The following AHCY variants were observed in gnomAD, a reference collection of about 807,000 sequenced individuals.
The protein encoded by AHCY is S-adenosyl-L-homocysteine hydrolase.
In AHCY, 24 loss-of-function variants were observed where a neutral mutation model predicts 45.4. That is an observed-to-expected ratio of 0.53 (90% CI 0.38 to 0.74). The LOEUF is 0.74. Among genes scored for constraint, AHCY ranks in the 30% least tolerant of loss-of-function variants. The probability of loss-of-function intolerance (pLI) is 0.00; values close to 1 mark genes in which losing one functional copy is unlikely to be tolerated. For synonymous variants in AHCY, 245 were observed against 235.1 expected (o/e 1.04, Z -0.39); for missense variants, 449 against 594.1 (o/e 0.76, Z 2.54).
At chr20:34,258,471 G>T in the AHCY span, among the ~76,000 whole-genome samples, 1 of 149,718 alleles carries the variant, frequency 6.7e-6, no homozygotes, top group African/African-American at 2.4e-5. Flanking sequence ...GGGCTTTGAT[G>T]ACCATTAACA....
intron 1 of AHCY, among the ~76,000 whole-genome samples, chr20:34,298,606 G>GT (rs1568810760): frequency 9.1e-6 from 1 of 109,678 alleles, no homozygotes; most frequent in African/African-American, 3.9e-5. Flanking sequence ...TGGCGGCGGC[G>GT]GGAGGGGGGG....
At chr20:34,255,879 C>A in the AHCY span, among the ~76,000 whole-genome samples, 1 of 152,112 alleles carries the variant, frequency 6.6e-6, no homozygotes, top group Non-Finnish European at 1.5e-5. Context: ...CTTAGCAGAC[C>A]GAGAAAGGGA....
At chr20:34,303,107 C>T in intron 1 of AHCY, 136 bp downstream of exon 1, 11 of 1,484,890 alleles carry the variant, frequency 7.4e-6, no homozygotes, top group Non-Finnish European at 9.9e-6. Context: ...CAGCTGGCTT[C>T]GCGCGGCCAG....
upstream of AHCY, chr20:34,303,485 T>C (rs942811009): frequency 2.8e-6 from 2 of 722,312 alleles, no homozygotes; most frequent in Non-Finnish European, 4.7e-6. Flanking sequence ...GCCTCAGAAT[T>C]TCACAAGGCG....
the AHCY span, among the ~76,000 whole-genome samples, chr20:34,265,527 G>A: frequency 6.6e-6 from 1 of 151,584 alleles, no homozygotes; most frequent in Admixed American, 6.6e-5. Context: ...CTGTCTCAAA[G>A]AAAAAAAGGA....
the AHCY span, among the ~76,000 whole-genome samples, chr20:34,247,083 C>T: frequency 3.9e-5 from 6 of 152,046 alleles, no homozygotes; most frequent in African/African-American, 1.4e-4. Flanking sequence ...GCCTCAACCT[C>T]CCAGGCTTAG....
the AHCY span, among the ~76,000 whole-genome samples, chr20:34,258,700 A>ATATATATATATATATACACACACACATAC: frequency 1.3e-5 from 1 of 77,922 alleles, no homozygotes; most frequent in East Asian, 5.2e-4. Context: ...TACATACTAT[A>ATATATATATATATATACACACACACATAC]TATATATATT....
chr20:34,289,472 CTTTTTT>C (rs762670836), intron 8 of AHCY, among the ~76,000 whole-genome samples: 1 of 106,370 alleles, frequency 9.4e-6, no homozygotes, highest in Non-Finnish European at 1.9e-5. Flanking sequence ...TGTACCTGGC[CTTTTTT>C]TTTTTTTTTT....
At chr20:34,289,538 C>T (rs1382818319) in intron 8 of AHCY, among the ~76,000 whole-genome samples, 2 of 133,276 alleles carry the variant, frequency 1.5e-5, no homozygotes, top group Non-Finnish European at 3.1e-5. Context: ...TGCGAGGGTG[C>T]GATCTCGGCT....
At chr20:34,284,722 C>T (rs1259972738) in intron 9 of AHCY, among the ~76,000 whole-genome samples, 1 of 152,106 alleles carries the variant, frequency 6.6e-6, no homozygotes, top group Admixed American at 6.6e-5. Context: ...ACTCAAGAGG[C>T]TGAGGTGGGA....
the AHCY span, among the ~76,000 whole-genome samples, chr20:34,273,360 G>C: frequency 6.6e-6 from 1 of 151,618 alleles, no homozygotes; most frequent in Non-Finnish European, 1.5e-5. Flanking sequence ...AATATACTCT[G>C]ACTGATTTAC....
intron 8 of AHCY, among the ~76,000 whole-genome samples, chr20:34,289,857 G>A (rs2036313884): frequency 6.6e-6 from 1 of 151,996 alleles, no homozygotes. Context: ...CTGGCCTCAG[G>A]TGATCCGCCC....
At chr20:34,289,873 G>A (rs919419082) in intron 8 of AHCY, among the ~76,000 whole-genome samples, 7 of 151,874 alleles carry the variant, frequency 4.6e-5, no homozygotes, top group South Asian at 2.1e-4. Flanking sequence ...CGCCCATCTC[G>A]GCCTTCCAAA....
the AHCY span, among the ~76,000 whole-genome samples, chr20:34,271,565 C>CTTT: frequency 5.0e-4 from 62 of 123,404 alleles, no homozygotes; most frequent in Non-Finnish European, 7.3e-4. Context: ...TTGAACAAGC[C>CTTT]TTTTTTTTTT....
upstream of AHCY, among the ~76,000 whole-genome samples, chr20:34,303,608 C>A (rs951391273): frequency 9.2e-5 from 14 of 152,352 alleles, no homozygotes; most frequent in African/African-American, 2.6e-4. Context: ...CAAAACCCAG[C>A]GGAACTGAAA....
At chr20:34,286,877 C>CCCAGAGACTCCTATT (rs1440262932) in intron 8 of AHCY, among the ~76,000 whole-genome samples, 1 of 151,412 alleles carries the variant, frequency 6.6e-6, no homozygotes, top group African/African-American at 2.4e-5. Context: ...TGGCCTCATT[C>CCCAGAGACTCCTATT]CCAGAGACTC....
chr20:34,267,735 C>T, the AHCY span, among the ~76,000 whole-genome samples: 5 of 151,776 alleles, frequency 3.3e-5, no homozygotes, highest in African/African-American at 7.2e-5. Context: ...TTCTCCATGT[C>T]GGTCGGGCTG....
At chr20:34,284,618 C>T (rs548353488) in intron 9 of AHCY, among the ~76,000 whole-genome samples, 12 of 151,904 alleles carry the variant, frequency 7.9e-5, no homozygotes, top group African/African-American at 1.9e-4. Context: ...ATCAGGAGTT[C>T]GAGACCAGTC....
chr20:34,268,440 G>A, the AHCY span, among the ~76,000 whole-genome samples: 8 of 152,116 alleles, frequency 5.3e-5, no homozygotes, highest in Non-Finnish European at 1.0e-4. Context: ...CACTTAGGCC[G>A]GGCGCGGTGG....
Sources: allele counts gnomAD v4.1 joint callset (sites outside exome capture counted in the v4.1 genomes callset), GRCh38; gene constraint gnomAD v4.1.1; transcripts MANE v1.5; gene names NCBI Gene and HGNC (gene_info 2026-07-23, HGNC 2026-07-21).